Variants in LARP4B observed in about 807,000 individuals in gnomAD.
LARP4B encodes la-related protein 4B.
A neutral mutation model predicts 89.8 loss-of-function variants in LARP4B; 12 were observed. The observed-to-expected ratio is 0.13, with a 90% CI of 0.09 to 0.22. LARP4B has a LOEUF of 0.22. Among genes scored for constraint, LARP4B ranks in the 10% least tolerant of loss-of-function variants. LARP4B has a pLI of 1.00. For missense variants in LARP4B, 757 were observed against 947.7 expected, an observed-to-expected ratio of 0.80 and a Z score of 2.64; for synonymous variants, 367 against 363.3, an observed-to-expected ratio of 1.01 and a Z score of -0.12.
intron 1 of LARP4B, among the ~76,000 whole-genome samples, chr10:887,625 C>A (rs185221926): frequency 6.6e-6 from 1 of 152,066 alleles, no homozygotes; most frequent in Admixed American, 6.5e-5. Context: ...GCAGGAGAAT[C>A]ACTTCAACCT....
chr10:929,386 G>A (rs1837238752), intron 1 of LARP4B, among the ~76,000 whole-genome samples: 1 of 152,186 alleles, frequency 6.6e-6, no homozygotes, highest in African/African-American at 2.4e-5. Context: ...CTTGAGGCCA[G>A]GAGTTCGAGA....
At chr10:815,749 A>C (rs560591404) in intron 15 of LARP4B, 1 of 152,210 alleles carries the variant, frequency 6.6e-6, no homozygotes, top group South Asian at 2.1e-4. Flanking sequence ...CTTGTCATGC[A>C]ACTTAAAAAA....
the LARP4B span, among the ~76,000 whole-genome samples, chr10:939,674 T>A: frequency 6.6e-6 from 1 of 152,184 alleles, no homozygotes; most frequent in Non-Finnish European, 1.5e-5. Flanking sequence ...TGCCTGGCCT[T>A]AGCACTCATA....
intron 3 of LARP4B, among the ~76,000 whole-genome samples, chr10:883,668 T>G (rs1396539961): frequency 6.6e-6 from 1 of 151,914 alleles, no homozygotes; most frequent in Non-Finnish European, 1.5e-5. Flanking sequence ...GCATGGTGGC[T>G]CACGCCTGTA....
At chr10:979,987 T>G in the LARP4B span, among the ~76,000 whole-genome samples, 6 of 151,956 alleles carry the variant, frequency 3.9e-5, no homozygotes, top group African/African-American at 1.5e-4. Context: ...CAAGACACAG[T>G]GGAGATATAG....
At chr10:983,651 G>A in the LARP4B span, among the ~76,000 whole-genome samples, 2 of 152,122 alleles carry the variant, frequency 1.3e-5, no homozygotes, top group Non-Finnish European at 2.9e-5. Flanking sequence ...TCCATCAGGA[G>A]AGCTCCAGCC....
At chr10:922,580 T>C (rs1473801509) in intron 1 of LARP4B, among the ~76,000 whole-genome samples, 1 of 151,700 alleles carries the variant, frequency 6.6e-6, no homozygotes, top group African/African-American at 2.4e-5. Flanking sequence ...GCCAGGAGGA[T>C]CACTGGAGCT....
the LARP4B span, among the ~76,000 whole-genome samples, chr10:966,331 C>G: frequency 4.5e-4 from 69 of 152,160 alleles, no homozygotes; most frequent in Non-Finnish European, 7.9e-4. Context: ...TGGCGCACAC[C>G]TGTAGTCCCA....
At chr10:860,430 T>C (rs1023831280) in intron 5 of LARP4B, among the ~76,000 whole-genome samples, 1 of 152,136 alleles carries the variant, frequency 6.6e-6, no homozygotes, top group African/African-American at 2.4e-5. Flanking sequence ...CTTAAAAGGA[T>C]AAACATGCCT....
chr10:826,071 A>G (rs1265809180), intron 11 of LARP4B, among the ~76,000 whole-genome samples: 3 of 152,250 alleles, frequency 2.0e-5, no homozygotes, highest in African/African-American at 7.2e-5. Flanking sequence ...CCTTTCAGCC[A>G]ATCCTTACAA....
the LARP4B span, among the ~76,000 whole-genome samples, chr10:962,151 C>T: frequency 1.3e-5 from 2 of 151,944 alleles, no homozygotes; most frequent in East Asian, 3.9e-4. Flanking sequence ...AAAAAATTAG[C>T]CAGGTGTGGT....
chr10:924,995 G>A (rs764281603), intron 1 of LARP4B, among the ~76,000 whole-genome samples: 1 of 152,164 alleles, frequency 6.6e-6, no homozygotes, highest in Admixed American at 6.5e-5. Context: ...ATGAGAAGAC[G>A]GGCCATACAT....
the LARP4B span, among the ~76,000 whole-genome samples, chr10:952,581 C>T: frequency 1.5e-5 from 1 of 66,142 alleles, no homozygotes; most frequent in African/African-American, 6.5e-5. Context: ...AGGAAGAAAT[C>T]GCACCAGCCC....
chr10:870,991 A>G (rs1835172551), intron 3 of LARP4B, among the ~76,000 whole-genome samples: 1 of 152,194 alleles, frequency 6.6e-6, no homozygotes, highest in East Asian at 1.9e-4. Flanking sequence ...TCTCTGTTGC[A>G]CTAGAACTAA....
At chr10:823,638 C>A (rs1832468987) in intron 13 of LARP4B, among the ~76,000 whole-genome samples, 1 of 151,566 alleles carries the variant, frequency 6.6e-6, no homozygotes, top group Non-Finnish European at 1.5e-5. Context: ...ACCGTGCCCA[C>A]AATTGATGCC....
intron 3 of LARP4B, chr10:873,487 G>T: frequency 2.3e-6 from 2 of 887,238 alleles, no homozygotes; most frequent in Non-Finnish European, 2.7e-6. Context: ...CAGGCTTCTG[G>T]TTTTTCTACA....
chr10:953,913 TC>T, the LARP4B span, among the ~76,000 whole-genome samples: 2 of 152,168 alleles, frequency 1.3e-5, no homozygotes, highest in Admixed American at 1.3e-4. Flanking sequence ...CTGAGCAAGC[TC>T]CAAGGAAAGA....
chr10:952,381 T>C, the LARP4B span, among the ~76,000 whole-genome samples: 4 of 125,920 alleles, frequency 3.2e-5, no homozygotes, highest in East Asian at 2.5e-4. Flanking sequence ...ATCGCAGCAG[T>C]CCAGAACCAA....
chr10:973,414 T>C, the LARP4B span, among the ~76,000 whole-genome samples: 1 of 152,036 alleles, frequency 6.6e-6, no homozygotes. Context: ...TGCAGTGGCA[T>C]GATCTTAGCT....
Sources: gnomAD v4.1 joint callset for allele counts (sites outside exome capture counted in the v4.1 genomes callset) on GRCh38, gnomAD v4.1.1 for gene constraint, MANE v1.5 for transcripts, NCBI Gene and HGNC (gene_info 2026-07-23, HGNC 2026-07-21) for gene names.